KCNQ1OT1: variants seen among roughly 807,000 people sequenced by gnomAD.
KCNQ1OT1 encodes KCNQ1 antisense RNA 2 (non-protein coding).
In KCNQ1OT1 at chr11:2,683,960, C is replaced by CTT. The variant is rs560196106; in HGVS notation, n.16033_16034dup. On this transcript the variant is annotated non_coding_transcript_exon_variant, in exon 1 of 1. Transcript: ENST00000597346. The surrounding 1 kb of genome is among the most constrained non-coding windows in gnomAD (Gnocchi z 4.7). ...AGACAAAACCAGCTGACTGCTTTTACTTTTTTTTTTTTTTCATTTAGAAGA... is the reference window on the plus strand; with the variant it reads ...AGACAAAACCAGCTGACTGCTTTTACTTTTTTTTTTTTTTTTCATTTAGAAGA... 2.4e-4 allele frequency: 94 copies of CTT among 387,420 alleles called. 1 individual carries two copies. In the Middle Eastern group the frequency reaches 3.2e-3, roughly 13 times the overall value. The allele number at this position is 387,420 out of a possible 1,614,324, so 24.0% of individuals were successfully genotyped here. A position where few individuals can be genotyped will look rare whatever the true frequency, so the allele number is the denominator to read the frequency against.
In KCNQ1OT1 at chr11:2,659,840, T is replaced by C. The variant is rs557024267; in HGVS notation, n.40155A>G. ...ATTTGCATTTCCATATTTATGTTAATTATGTATCTTTTCATGTGCTTATTT... is the reference window on the plus strand; with the variant it reads ...ATTTGCATTTCCATATTTATGTTAACTATGTATCTTTTCATGTGCTTATTT... On this transcript the variant is annotated non_coding_transcript_exon_variant, in exon 1 of 1. Transcript: ENST00000597346. The surrounding 1 kb of genome is among the most constrained non-coding windows in gnomAD (Gnocchi z 4.3). 2.5e-6 allele frequency: 1 copy of C among 398,502 alleles called. No homozygotes were observed. Among genetic ancestry groups the C allele is most frequent in the Admixed American group, 4.4e-5 (1 of 22,744 alleles). 24.7% of individuals were successfully genotyped at this position (398,502 alleles called of 1,614,324 possible). A position where few individuals can be genotyped will look rare whatever the true frequency, so the allele number is the denominator to read the frequency against.
exon 1 of KCNQ1OT1, chr11:2,618,652 G>T: frequency 2.5e-6 from 1 of 398,498 alleles, no homozygotes; most frequent in South Asian, 1.3e-4. Context: ...TTTCAGAACA[G>T]AATTTTCAGA....
rs993211240 is a variant in KCNQ1OT1, at chr11:2,682,324, G to T, written n.17671C>A. On this transcript the variant is annotated non_coding_transcript_exon_variant, in exon 1 of 1. Coordinates refer to ENST00000597346, the Ensembl canonical transcript of KCNQ1OT1. This position sits in a 1 kb window ranked among gnomAD's most constrained non-coding sequence, Gnocchi z 5.8. ...CCCCTCCCATTCTTAATGTGTAACT[G>T]TGTGTTTATTTGTGGTAAAGGGTTT... The T allele has an allele frequency of 5.0e-6, 2 of 398,500 alleles. No homozygotes were observed. Among genetic ancestry groups the T allele is most frequent in the African/African-American group, 4.1e-5 (2 of 48,626 alleles). 24.7% of individuals were successfully genotyped at this position (398,500 alleles called of 1,614,324 possible). A position where few individuals can be genotyped will look rare whatever the true frequency, so the allele number is the denominator to read the frequency against.
rs904548869 is a variant in KCNQ1OT1 at position 2,647,847 on chromosome 11, T to C, written n.52148A>G. On this transcript the variant is annotated non_coding_transcript_exon_variant, in exon 1 of 1. Coordinates refer to ENST00000597346, the Ensembl canonical transcript of KCNQ1OT1. This position sits in a 1 kb window ranked among gnomAD's most constrained non-coding sequence, Gnocchi z 4.0. Reference sequence around the variant, plus strand: ...TGGTGTCCATTGTAAGTCTCCTTTTTCATTTCTGATTTTATTTATTGGGTC... The same window carrying C: ...TGGTGTCCATTGTAAGTCTCCTTTTCCATTTCTGATTTTATTTATTGGGTC... 5 of 398,472 alleles carry C rather than the reference T, an allele frequency of 1.3e-5. No homozygotes were observed. The highest frequency in any genetic ancestry group is 3.6e-5 in the East Asian group (1 of 28,096). 24.7% of individuals were successfully genotyped at this position (398,472 alleles called of 1,614,324 possible). A position where few individuals can be genotyped will look rare whatever the true frequency, so the allele number is the denominator to read the frequency against.
At chr11:2,655,479 C>T in exon 1 of KCNQ1OT1, 1 of 398,680 alleles carries the variant, frequency 2.5e-6, no homozygotes, top group Non-Finnish European at 4.4e-6. Context: ...GTACCTCCTG[C>T]AGAGCCTGGA....
Position 2,670,182 on chromosome 11 carries a change from A to G in KCNQ1OT1, n.29813T>C. The stretch of plus-strand genomic sequence containing the variant: ...CCCATCTGCCAAGGCAAGCACCCAC[A>G]TTAAAGCAGAGTGAAGAGCAGGGCG... On this transcript the variant is annotated non_coding_transcript_exon_variant, in exon 1 of 1. Transcript: ENST00000597346. This position sits in a 1 kb window ranked among gnomAD's most constrained non-coding sequence, Gnocchi z 4.9. 2.5e-6 allele frequency: 1 copy of G among 398,664 alleles called. No homozygotes were observed. 24.7% of individuals were successfully genotyped at this position (398,664 alleles called of 1,614,324 possible).
chr11:2,652,022 C>G lies in KCNQ1OT1; in HGVS notation n.47973G>C. The G allele has an allele frequency of 2.5e-6, 1 of 398,654 alleles. No homozygotes were observed. The highest frequency in any genetic ancestry group is 4.4e-6 in the Non-Finnish European group (1 of 226,094). The allele number at this position is 398,654 out of a possible 1,614,324, so 24.7% of individuals were successfully genotyped here. ...TTAACATAATTTTGATGTTGAGCCT[C>G]CCCCCAGTTCTGGGGTGGCTCTGAC... On this transcript the variant is annotated non_coding_transcript_exon_variant, in exon 1 of 1. Coordinates refer to ENST00000597346, the Ensembl canonical transcript of KCNQ1OT1. The surrounding 1 kb of genome is among the most constrained non-coding windows in gnomAD (Gnocchi z 5.9).
rs975334561 is a variant in KCNQ1OT1 at position 2,685,140 on chromosome 11, G to T, written n.14855C>A. On this transcript the variant is annotated non_coding_transcript_exon_variant, in exon 1 of 1. Transcript: ENST00000597346. ...GTCTGATGGTCAGAGCTAATCAGGT[G>T]TGGAAGAAGCTGCCTGGAGAGGATC... The T allele has an allele frequency of 7.5e-6, 3 of 398,558 alleles. No homozygotes were observed. In the South Asian group the frequency reaches 3.8e-4, roughly 51 times the overall value. The allele number at this position is 398,558 out of a possible 1,614,324, so 24.7% of individuals were successfully genotyped here. A position where few individuals can be genotyped will look rare whatever the true frequency, so the allele number is the denominator to read the frequency against.
In KCNQ1OT1 at chr11:2,695,217, G is replaced by A; in HGVS notation, n.4778C>T. On this transcript the variant is annotated non_coding_transcript_exon_variant, in exon 1 of 1. Coordinates refer to ENST00000597346, the Ensembl canonical transcript of KCNQ1OT1. This position sits in a 1 kb window ranked among gnomAD's most constrained non-coding sequence, Gnocchi z 5.2. ...AAACACTGTCACCCTGTAAGGGTCT[G>A]CATAAAGTCACCGCTCTCTTCCTCT... is the stretch of plus-strand genomic sequence containing the variant. 1 of 398,624 alleles carries A rather than the reference G, an allele frequency of 2.5e-6. No homozygotes were observed. The highest frequency in any genetic ancestry group is 4.4e-6 in the Non-Finnish European group (1 of 226,094). 24.7% of individuals were successfully genotyped at this position (398,624 alleles called of 1,614,324 possible). A position where few individuals can be genotyped will look rare whatever the true frequency, so the allele number is the denominator to read the frequency against.
chr11:2,632,199 A>AG (rs1183462059), exon 1 of KCNQ1OT1: 14 of 397,822 alleles, frequency 3.5e-5, no homozygotes, highest in Admixed American at 1.3e-4. Flanking sequence ...AAAAAAAAAA[A>AG]AAAAGAAATG....
exon 1 of KCNQ1OT1, chr11:2,685,029 G>A (rs1285046540): frequency 5.0e-6 from 2 of 398,470 alleles, no homozygotes; most frequent in African/African-American, 4.1e-5. Flanking sequence ...CTGTCTCATG[G>A]GTGAGCACAT....
exon 1 of KCNQ1OT1, chr11:2,628,339 T>G (rs1045111893): frequency 1.0e-5 from 4 of 398,482 alleles, no homozygotes; most frequent in East Asian, 3.6e-5. Context: ...CTAACAGTTA[T>G]GAGGTGATAT....
chr11:2,638,291 A>G (rs966093539), exon 1 of KCNQ1OT1: 17 of 152,280 alleles, frequency 1.1e-4, no homozygotes, highest in African/African-American at 3.4e-4. Context: ...ACAATTTGTC[A>G]TGTTTTTGCA....
Position 2,681,206 on chromosome 11 carries a change from G to A in KCNQ1OT1, n.18789C>T, listed in dbSNP as rs140575225. The A allele has an allele frequency of 6.7e-4, 266 of 398,602 alleles. No homozygotes were observed. Among genetic ancestry groups the A allele is most frequent in the Non-Finnish European group, 1.1e-3 (242 of 226,060 alleles). The allele number at this position is 398,602 out of a possible 1,614,324, so 24.7% of individuals were successfully genotyped here. A position where few individuals can be genotyped will look rare whatever the true frequency, so the allele number is the denominator to read the frequency against. ...AAAAAGTCATTTTTGCAGTGTTTGTGTTCTATGAAGAGTGGGTAGAAGGAA... is the reference window on the plus strand; with the variant it reads ...AAAAAGTCATTTTTGCAGTGTTTGTATTCTATGAAGAGTGGGTAGAAGGAA... On this transcript the variant is annotated non_coding_transcript_exon_variant, in exon 1 of 1. Transcript: ENST00000597346.
At position 2,678,369 on chromosome 11, in the gene KCNQ1OT1, TA is replaced by T. The variant is rs1414687351; in HGVS notation, n.21625del. 2 of 398,492 alleles carry T rather than the reference TA, an allele frequency of 5.0e-6. No individual in the cohort carries two copies. Among genetic ancestry groups the T allele is most frequent in the Non-Finnish European group, 8.8e-6 (2 of 226,054 alleles). 24.7% of individuals were successfully genotyped at this position (398,492 alleles called of 1,614,324 possible). On this transcript the variant is annotated non_coding_transcript_exon_variant, in exon 1 of 1. Transcript: ENST00000597346. The surrounding 1 kb of genome is among the most constrained non-coding windows in gnomAD (Gnocchi z 4.9). ...TTTATCGGGATTTTGACAGAGTAAT[TA>T]AATCCAATTTGGTTTCCCATATATT...
chr11:2,670,064 G>A lies in KCNQ1OT1; in HGVS notation n.29931C>T. On this transcript the variant is annotated non_coding_transcript_exon_variant, in exon 1 of 1. Coordinates refer to ENST00000597346, the Ensembl canonical transcript of KCNQ1OT1. The surrounding 1 kb of genome is among the most constrained non-coding windows in gnomAD (Gnocchi z 4.9). ...CCTAGCACTCACTATTCTGCTCTGG[G>A]GAGGGGGTTGGAGGCAGAATCAGTG... 1 of 398,704 alleles carries A rather than the reference G, an allele frequency of 2.5e-6. No individual in the cohort carries two copies. The highest frequency in any genetic ancestry group is 4.4e-6 in the Non-Finnish European group (1 of 226,128). The allele number at this position is 398,704 out of a possible 1,614,324, so 24.7% of individuals were successfully genotyped here. A position where few individuals can be genotyped will look rare whatever the true frequency, so the allele number is the denominator to read the frequency against.
exon 1 of KCNQ1OT1, chr11:2,610,573 T>C: frequency 2.5e-6 from 1 of 398,492 alleles, no homozygotes; most frequent in Non-Finnish European, 4.4e-6. Context: ...TGGGAGCACT[T>C]CCTTTTTGCC....
chr11:2,613,440 T>C lies in KCNQ1OT1; in HGVS notation n.86555A>G, dbSNP rs1849012569. 2 of 398,482 alleles carry C rather than the reference T, an allele frequency of 5.0e-6. No individual in the cohort carries two copies. The highest frequency in any genetic ancestry group is 3.6e-5 in the East Asian group (1 of 28,090). 24.7% of individuals were successfully genotyped at this position (398,482 alleles called of 1,614,324 possible). A position where few individuals can be genotyped will look rare whatever the true frequency, so the allele number is the denominator to read the frequency against. On this transcript the variant is annotated non_coding_transcript_exon_variant, in exon 1 of 1. Coordinates refer to ENST00000597346, the Ensembl canonical transcript of KCNQ1OT1. The surrounding 1 kb of genome is among the most constrained non-coding windows in gnomAD (Gnocchi z 4.8). ...GCTTAACATAGTGCATAGGGTTTTC[T>C]ATGGAATTCAAAATCAGATGAGCCT...
At chr11:2,629,017 C>T (rs1849307924) in exon 1 of KCNQ1OT1, 5 of 398,120 alleles carry the variant, frequency 1.3e-5, no homozygotes, top group Admixed American at 4.4e-5. Context: ...TCAAAATAAG[C>T]ATGTGTAATA....
Sources: allele counts gnomAD v4.1 joint callset, GRCh38; gene constraint gnomAD v4.1.1; non-coding constraint Gnocchi (gnomAD v3.1); transcripts MANE v1.5; gene names NCBI Gene and HGNC (gene_info 2026-07-23, HGNC 2026-07-21).